Variants in PRKCH observed in about 807,000 individuals in gnomAD.
The protein encoded by PRKCH is protein kinase C eta type.
In PRKCH, 28 loss-of-function variants were observed where a neutral mutation model predicts 82.5. That is an observed-to-expected ratio of 0.34 (90% CI 0.25 to 0.47). The LOEUF (loss-of-function observed/expected upper bound fraction) is 0.47. Ranked by LOEUF, PRKCH falls within the 20% of genes least tolerant of loss-of-function variation. The pLI, the probability that PRKCH is intolerant of heterozygous loss-of-function variation, is 1.00. For missense variants in PRKCH, 705 were observed against 881.8 expected (o/e 0.80, Z 2.54); for synonymous variants, 322 against 327.4 (o/e 0.98, Z 0.18).
intron 1 of PRKCH, among the ~76,000 whole-genome samples, chr14:61,257,647 A>ACGCACG (rs1232285323): frequency 6.6e-6 from 1 of 150,920 alleles, no homozygotes; most frequent in African/African-American, 2.4e-5. Context: ...ACACACACAC[A>ACGCACG]CACGCATACA....
intron 2 of PRKCH, among the ~76,000 whole-genome samples, chr14:61,403,043 TTC>T (rs1360604116): frequency 6.6e-6 from 1 of 152,102 alleles, no homozygotes; most frequent in African/African-American, 2.4e-5. Context: ...ACTAGCTGTC[TTC>T]TTTTAAGTCA....
rs1233826570 is a variant in PRKCH at position 61,329,167 on chromosome 14, A to G, written c.363+6703A>G. The stretch of plus-strand genomic sequence containing the variant: ...ATAGTCTTTCTCAATTGCCAAACCA[A>G]TAGTCATTTCTTTATTTAAAACTCC... On this transcript the variant is annotated intron_variant, in intron 1 of 13. Coordinates refer to ENST00000332981, the MANE Select transcript of PRKCH (RefSeq NM_006255.5). Among the ~76,000 whole-genome samples the G allele has an allele frequency of 4.1e-5, 6 of 147,316 alleles. No homozygotes were observed. The South Asian group carries it at 6.5e-4, about 16-fold the overall frequency.
At chr14:61,286,428 C>T (rs1232159204) in intron 1 of PRKCH, among the ~76,000 whole-genome samples, 1 of 152,174 alleles carries the variant, frequency 6.6e-6, no homozygotes, top group Non-Finnish European at 1.5e-5. Context: ...AAGACAGAAG[C>T]GAATTCTCTC....
chr14:61,330,723 A>G (rs1862999151), intron 1 of PRKCH, among the ~76,000 whole-genome samples: 1 of 152,148 alleles, frequency 6.6e-6, no homozygotes, highest in Non-Finnish European at 1.5e-5. Flanking sequence ...ACTCCCTGTT[A>G]TGAAACCAAC....
chr14:61,495,344 T>A (rs1286462957), intron 10 of PRKCH, among the ~76,000 whole-genome samples: 1 of 152,222 alleles, frequency 6.6e-6, no homozygotes, highest in African/African-American at 2.4e-5. Context: ...TGGAACTAAT[T>A]GATAAATGTG....
intron 1 of PRKCH, among the ~76,000 whole-genome samples, chr14:61,271,724 G>A (rs1320729508): frequency 6.6e-6 from 1 of 152,170 alleles, no homozygotes; most frequent in Non-Finnish European, 1.5e-5. Flanking sequence ...AAAGCACTCA[G>A]AACATTGCCT....
At chr14:61,295,187 A>C (rs2045396883) in intron 1 of PRKCH, among the ~76,000 whole-genome samples, 1 of 152,220 alleles carries the variant, frequency 6.6e-6, no homozygotes, top group African/African-American at 2.4e-5. Flanking sequence ...CTTCTAAAAA[A>C]TAATGTAATT....
At chr14:61,497,240 C>G (rs1189378181) in intron 10 of PRKCH, among the ~76,000 whole-genome samples, 3 of 152,138 alleles carry the variant, frequency 2.0e-5, no homozygotes, top group African/African-American at 7.2e-5. Flanking sequence ...TGCCACTTCT[C>G]TGTTGTGGGA....
intron 1 of PRKCH, among the ~76,000 whole-genome samples, chr14:61,232,329 A>T (rs2044751423): frequency 6.6e-6 from 1 of 152,196 alleles, no homozygotes; most frequent in Non-Finnish European, 1.5e-5. Context: ...GAGTTCAAAC[A>T]ATTCTTGTGC....
chr14:61,205,405 G>C (rs931552886), intron 1 of PRKCH, among the ~76,000 whole-genome samples: 10 of 152,148 alleles, frequency 6.6e-5, no homozygotes, highest in African/African-American at 2.4e-4. Flanking sequence ...GCATGGGAAG[G>C]GTAGACAAGC....
chr14:61,489,166 G>A (rs1447955990), intron 10 of PRKCH, among the ~76,000 whole-genome samples: 1 of 152,150 alleles, frequency 6.6e-6, no homozygotes, highest in Non-Finnish European at 1.5e-5. Flanking sequence ...AGAAACTTGG[G>A]AGTATCAGGC....
At chr14:61,457,115 G>C (rs751088976) in intron 7 of PRKCH, 61 bp from the exon 8 acceptor site, 2 of 1,572,708 alleles carry the variant, frequency 1.3e-6, no homozygotes, top group Non-Finnish European at 1.7e-6. Context: ...GGTCTTCTTC[G>C]TGCATGGGTG....
chr14:61,539,271 G>A (rs188980431), intron 12 of PRKCH, among the ~76,000 whole-genome samples: 1 of 152,318 alleles, frequency 6.6e-6, no homozygotes, highest in East Asian at 1.9e-4. Context: ...AAGGCAGGGT[G>A]TTGGGAGCCT....
chr14:61,452,570 A>T (rs1884562248), intron 6 of PRKCH, among the ~76,000 whole-genome samples: 1 of 152,148 alleles, frequency 6.6e-6, no homozygotes, highest in African/African-American at 2.4e-5. Context: ...CGCCTCTTCA[A>T]CTGCCATTTG....
At chr14:61,314,742 C>T (rs936848774) in intron 1 of PRKCH, among the ~76,000 whole-genome samples, 1 of 152,138 alleles carries the variant, frequency 6.6e-6, no homozygotes, top group East Asian at 1.9e-4. Context: ...CCTCTTAGGA[C>T]CCTTCCCCTT....
At chr14:61,477,098 A>G (rs1566904136) in intron 9 of PRKCH, 1 of 152,188 alleles carries the variant, frequency 6.6e-6, no homozygotes, top group Non-Finnish European at 1.5e-5. Flanking sequence ...TAATAAAGCA[A>G]CGGTACTTAG....
At chr14:61,544,350 T>C (rs2043227154) in intron 12 of PRKCH, 1 of 152,186 alleles carries the variant, frequency 6.6e-6, no homozygotes, top group Non-Finnish European at 1.5e-5. Context: ...AAACCTGACT[T>C]TTCATGTGAT....
At chr14:61,333,026 T>C (rs1432017819) in intron 1 of PRKCH, among the ~76,000 whole-genome samples, 5 of 152,232 alleles carry the variant, frequency 3.3e-5, no homozygotes, top group African/African-American at 1.2e-4. Flanking sequence ...TCAGATTTGT[T>C]CTGGGCTCTG....
At chr14:61,456,524 A>G (rs966049183) in intron 7 of PRKCH, among the ~76,000 whole-genome samples, 5 of 152,244 alleles carry the variant, frequency 3.3e-5, no homozygotes, top group Admixed American at 6.5e-5. Context: ...ATACAAATGT[A>G]TGTTATGAAA....
Sources: gnomAD v4.1 joint callset for allele counts (sites outside exome capture counted in the v4.1 genomes callset) on GRCh38, gnomAD v4.1.1 for gene constraint, MANE v1.5 for transcripts, NCBI Gene and HGNC (gene_info 2026-07-23, HGNC 2026-07-21) for gene names.